The following FRMPD4 variants were observed in gnomAD, a reference collection of about 807,000 sequenced individuals.
FRMPD4 encodes FERM and PDZ domain-containing protein 4.
In FRMPD4, 22 loss-of-function variants were observed where a neutral mutation model predicts 94.1. The observed-to-expected ratio is 0.23, with a 90% confidence interval of 0.17 to 0.33. FRMPD4 has a LOEUF of 0.33. Ranked by LOEUF, FRMPD4 falls within the 10% of genes least tolerant of loss-of-function variation. The pLI is 1.00. For missense variants in FRMPD4, 1,111 were observed against 1,339.9 expected (o/e 0.83, Z 2.67); for synonymous variants, 631 against 548.6 (o/e 1.15, Z -2.10).
chrX:11,979,309 A>G (rs1384655853), intron 3 of FRMPD4, among the ~76,000 whole-genome samples: 4 of 112,433 alleles, frequency 3.6e-5, no homozygotes, highest in Non-Finnish European at 7.5e-5. Flanking sequence ...TCAAATTAAT[A>G]TATTTAGTCA....
chrX:11,900,348 G>T (rs1416408806), intron 3 of FRMPD4, among the ~76,000 whole-genome samples: 1 of 111,591 alleles, frequency 9.0e-6, no homozygotes, highest in Non-Finnish European at 1.9e-5. Context: ...AAGGGTATAG[G>T]TTGAGGAAAG....
At chrX:12,370,906 CCAGT>C (rs1281684674) in intron 1 of FRMPD4, among the ~76,000 whole-genome samples, 2 of 111,724 alleles carry the variant, frequency 1.8e-5, no homozygotes, top group Non-Finnish European at 3.8e-5. Context: ...AAAAATAGAC[CCAGT>C]CTACTATGCT....
intron 1 of FRMPD4, among the ~76,000 whole-genome samples, chrX:12,202,025 A>G (rs150433501): frequency 0.014 from 1,465 of 104,906 alleles, 15 homozygotes; most frequent in Non-Finnish European, 0.023. Context: ...ATGCCATTGT[A>G]TTTCTGGTAT....
At chrX:11,935,251 T>TTTTG (rs2054149592) in intron 3 of FRMPD4, among the ~76,000 whole-genome samples, 2 of 38,557 alleles carry the variant, frequency 5.2e-5, no homozygotes, top group African/African-American at 2.1e-4. Flanking sequence ...GTTTTGTTGT[T>TTTTG]TTTTTTTTTT....
intron 6 of FRMPD4, among the ~76,000 whole-genome samples, chrX:12,685,591 T>C (rs1277802381): frequency 9.1e-6 from 1 of 109,809 alleles, no homozygotes; most frequent in East Asian, 2.8e-4. Context: ...TTGTTTTTGT[T>C]TTGCAGTTGC....
chrX:12,437,438 A>G (rs1202722794), intron 1 of FRMPD4, among the ~76,000 whole-genome samples: 1 of 109,371 alleles, frequency 9.1e-6, no homozygotes, highest in Non-Finnish European at 1.9e-5. Flanking sequence ...TGCCTGTCTT[A>G]CCCATTTTTT....
At chrX:12,125,236 T>C (rs2055489372) in intron 3 of FRMPD4, among the ~76,000 whole-genome samples, 1 of 111,814 alleles carries the variant, frequency 8.9e-6, no homozygotes, top group Non-Finnish European at 1.9e-5. Context: ...CTAGTGTAGG[T>C]TGTGTTAATT....
chrX:11,858,767 A>G (rs1238603113), intron 1 of FRMPD4, among the ~76,000 whole-genome samples: 1 of 111,642 alleles, frequency 9.0e-6, no homozygotes, highest in African/African-American at 3.2e-5. Flanking sequence ...AAATAAAAGA[A>G]AAAAATAAAA....
Position 12,722,278 on chromosome X carries a change from G to A in FRMPD4, c.*420G>A, listed in dbSNP as rs1000957086. The A allele has an allele frequency of 5.4e-5, 6 of 111,656 alleles. No homozygotes were observed. Among genetic ancestry groups the A allele is most frequent in the African/African-American group, 1.3e-4 (4 of 30,712 alleles). The allele number at this position is 111,656 out of a possible 1,213,427, so 9.2% of individuals were successfully genotyped here. On this transcript the variant is annotated 3_prime_UTR_variant, in exon 17 of 17. Coordinates refer to ENST00000675598, the MANE Select transcript of FRMPD4 (RefSeq NM_001368397.1). ...GAGAGAAAAGAAAAGAAATCACAAT[G>A]TATATAAAACAGTACTTATGTTTTA...
At chrX:11,927,829 T>C (rs1451057701) in intron 3 of FRMPD4, among the ~76,000 whole-genome samples, 3 of 111,772 alleles carry the variant, frequency 2.7e-5, no homozygotes, top group Non-Finnish European at 3.8e-5. Flanking sequence ...ATTGAGGACA[T>C]AGGCACAGGT....
In FRMPD4 at chrX:12,024,327, A is replaced by G. The variant is rs61439985; in HGVS notation, c.95+146309A>G. ...CATGTACACACCCACATATTCAGGC[A>G]CTTATATACCATTGTACAGATGAGA... is the stretch of plus-strand genomic sequence containing the variant. On this transcript the variant is annotated intron_variant, in intron 3 of 18. Transcript: ENST00000640291. Among the ~76,000 whole-genome samples the G allele has an allele frequency of 4.6e-3, 521 of 112,151 alleles. 3 individuals are homozygous for G. The highest frequency in any genetic ancestry group is 0.016 in the African/African-American group (499 of 30,902).
In FRMPD4 at chrX:12,718,291, C is replaced by A. The variant is rs373725511; in HGVS notation, c.3465C>A (p.Thr1155=). ...GGGACCGCTTCTTAACTGACGTGAC[C>A]TGTGCATCTTCAGCCAAAGACTTAG... ...GQGDRFLTDV[T]CASSAKDLDN... is the part of the protein sequence containing the mutation. Residue 1155 remains threonine, a synonymous_variant, in exon 16 of 17, where the codon ACC becomes ACA. Coordinates refer to ENST00000675598, the MANE Select transcript of FRMPD4 (RefSeq NM_001368397.1). 6.5e-5 allele frequency: 79 copies of A among 1,209,670 alleles called. 1 individual carries two copies. Among genetic ancestry groups the A allele is most frequent in the South Asian group, 2.3e-4 (13 of 56,827 alleles).
chrX:12,435,515 T>C (rs1228841685), intron 1 of FRMPD4, among the ~76,000 whole-genome samples: 5 of 110,228 alleles, frequency 4.5e-5, no homozygotes, highest in Non-Finnish European at 9.5e-5. Flanking sequence ...GTAGGTAGCC[T>C]TTTAATGACT....
chrX:12,462,933 G>A (rs1429363366), intron 1 of FRMPD4, among the ~76,000 whole-genome samples: 3 of 111,533 alleles, frequency 2.7e-5, no homozygotes, highest in Admixed American at 1.9e-4. Flanking sequence ...AGGCTGTAGT[G>A]AGCCATGATC....
At chrX:12,397,794 T>C (rs1404721165) in intron 1 of FRMPD4, among the ~76,000 whole-genome samples, 1 of 111,557 alleles carries the variant, frequency 9.0e-6, no homozygotes, top group Non-Finnish European at 1.9e-5. Context: ...AAGCCCTATC[T>C]AAATGGCTGG....
At chrX:12,428,076 A>AT (rs1241933822) in intron 1 of FRMPD4, among the ~76,000 whole-genome samples, 38 of 107,575 alleles carry the variant, frequency 3.5e-4, no homozygotes, top group Non-Finnish European at 6.4e-4. Flanking sequence ...TGCCCAGCTA[A>AT]TTTTTTTTGC....
chrX:12,617,366 C>T (rs769035460), intron 4 of FRMPD4, among the ~76,000 whole-genome samples: 7 of 112,461 alleles, frequency 6.2e-5, no homozygotes, highest in African/African-American at 9.7e-5. Flanking sequence ...TGTCTGCTTT[C>T]CTGCTACAAT....
intron 3 of FRMPD4, among the ~76,000 whole-genome samples, chrX:11,887,085 C>G (rs181128962): frequency 7.3e-4 from 82 of 111,649 alleles, no homozygotes; most frequent in African/African-American, 2.6e-3. Flanking sequence ...TCCTTTTACT[C>G]CAATTTTAGA....
intron 4 of FRMPD4, among the ~76,000 whole-genome samples, chrX:12,637,003 G>A (rs2059449041): frequency 8.9e-6 from 1 of 112,197 alleles, no homozygotes; most frequent in Admixed American, 9.5e-5. Context: ...AAGGAGCCAT[G>A]ATTCCTTTTA....
Sources: allele counts gnomAD v4.1 joint callset (sites outside exome capture counted in the v4.1 genomes callset), GRCh38; gene constraint gnomAD v4.1.1; transcripts MANE v1.5; gene names NCBI Gene and HGNC (gene_info 2026-07-23, HGNC 2026-07-21).